PDE4D: variants seen among roughly 807,000 people sequenced by gnomAD.
PDE4D encodes the protein 3',5'-cyclic-AMP phosphodiesterase 4D.
In PDE4D, 24 loss-of-function variants were observed where a neutral mutation model predicts 87.4. The observed-to-expected ratio is 0.27, with a 90% CI of 0.20 to 0.39. The LOEUF is 0.39. Among genes scored for constraint, PDE4D ranks in the 10% least tolerant of loss-of-function variants. The pLI, the probability that PDE4D is intolerant of heterozygous loss-of-function variation, is 1.00. For synonymous variants in PDE4D, 384 were observed against 383.2 expected (o/e 1.00, Z -0.02); for missense variants, 714 against 1,041.0 (o/e 0.69, Z 4.32).
At chr5:59,731,818 G>A (rs889906033) in intron 1 of PDE4D, among the ~76,000 whole-genome samples, 7 of 152,058 alleles carry the variant, frequency 4.6e-5, no homozygotes, top group Non-Finnish European at 7.4e-5. Context: ...CTTAGAAAAT[G>A]CAAAAAAGCA....
intron 1 of PDE4D, among the ~76,000 whole-genome samples, chr5:60,202,306 G>T (rs939547776): frequency 6.6e-6 from 1 of 152,072 alleles, no homozygotes; most frequent in Non-Finnish European, 1.5e-5. Context: ...GGGACTACAG[G>T]TGCAGGCCAC....
At chr5:59,370,642 T>C (rs755957633) in intron 1 of PDE4D, among the ~76,000 whole-genome samples, 3 of 152,206 alleles carry the variant, frequency 2.0e-5, no homozygotes, top group Non-Finnish European at 4.4e-5. Context: ...AATGTGTTTA[T>C]GTATTTCATA....
intron 1 of PDE4D, among the ~76,000 whole-genome samples, chr5:60,346,513 T>C (rs115062404): frequency 2.2e-4 from 33 of 152,308 alleles, no homozygotes; most frequent in Non-Finnish European, 4.0e-4. Flanking sequence ...CCATTTCCCA[T>C]GGTTTTGCAA....
chr5:59,771,531 A>AAAGAAAGAAAGAAAG (rs1437547371), intron 1 of PDE4D, among the ~76,000 whole-genome samples: 3 of 147,758 alleles, frequency 2.0e-5, no homozygotes, highest in African/African-American at 7.9e-5. Context: ...AGAAAGAAAG[A>AAAGAAAGAAAGAAAG]AAGAAAGAAA....
chr5:59,586,460 T>C, intron 1 of PDE4D: 2 of 1,540,656 alleles, frequency 1.3e-6, no homozygotes, highest in South Asian at 1.3e-5. Context: ...AACTCTCTTG[T>C]TTGAGCAGCT....
Position 59,383,827 on chromosome 5 carries a change from A to T in PDE4D, c.456-167859T>A, listed in dbSNP as rs370502561. On this transcript the variant is annotated intron_variant, in intron 1 of 14. Transcript: ENST00000340635. ...TCACACAAATATTTACATGCTGATT[A>T]TCCATAGGAATTTTTAATTTTTAAT... Among the ~76,000 whole-genome samples, 3 of 152,176 alleles carry T rather than the reference A, an allele frequency of 2.0e-5. No individual in the cohort carries two copies. The East Asian group carries it at 5.8e-4, about 29-fold the overall frequency.
chr5:60,017,552 G>C (rs191117241), intron 2 of PDE4D, among the ~76,000 whole-genome samples: 1 of 151,978 alleles, frequency 6.6e-6, no homozygotes, highest in Admixed American at 6.6e-5. Flanking sequence ...GTGGTGTTTC[G>C]TTTTCTGTTC....
At chr5:59,326,881 CT>C in intron 1 of PDE4D, among the ~76,000 whole-genome samples, 1 of 152,104 alleles carries the variant, frequency 6.6e-6, no homozygotes, top group South Asian at 2.1e-4. Flanking sequence ...TATTTAATGA[CT>C]TCATCATTTC....
chr5:59,856,302 T>TA (rs893044597), intron 1 of PDE4D, among the ~76,000 whole-genome samples: 2 of 151,944 alleles, frequency 1.3e-5, no homozygotes, highest in Non-Finnish European at 2.9e-5. Flanking sequence ...TGTTCATACT[T>TA]ACAATACAGG....
At chr5:59,442,738 G>A (rs1295380478) in intron 1 of PDE4D, among the ~76,000 whole-genome samples, 3 of 152,164 alleles carry the variant, frequency 2.0e-5, no homozygotes, top group Non-Finnish European at 1.5e-5. Context: ...GCAGTAGAGG[G>A]TCATTAAGCA....
intron 1 of PDE4D, among the ~76,000 whole-genome samples, chr5:59,574,714 T>TC (rs758536142): frequency 2.0e-5 from 3 of 151,950 alleles, no homozygotes; most frequent in Non-Finnish European, 2.9e-5. Flanking sequence ...CTTATTACTT[T>TC]CCCCCCAACA....
chr5:60,015,991 C>T (rs1765471849), intron 2 of PDE4D, among the ~76,000 whole-genome samples: 1 of 151,290 alleles, frequency 6.6e-6, no homozygotes, highest in South Asian at 2.1e-4. Context: ...GGGTTCACGC[C>T]ATTCTTAAAA....
intron 1 of PDE4D, chr5:59,217,293 G>A (rs896767704): frequency 2.2e-6 from 1 of 455,474 alleles, no homozygotes. Context: ...GTGAATTCAA[G>A]TTTTGCTGTC....
At chr5:59,503,248 T>A (rs1032401123) in intron 1 of PDE4D, among the ~76,000 whole-genome samples, 3 of 152,192 alleles carry the variant, frequency 2.0e-5, no homozygotes, top group Non-Finnish European at 4.4e-5. Flanking sequence ...TAACTACTTC[T>A]GTAGAAATAT....
intron 5 of PDE4D, among the ~76,000 whole-genome samples, chr5:59,053,655 G>T (rs201294240): frequency 0.26 from 19,301 of 73,516 alleles, 2,645 homozygotes; most frequent in East Asian, 0.75. Context: ...GTTTTTTTTT[G>T]TTGTTGTTTT....
chr5:60,305,448 T>C (rs1754410286), intron 1 of PDE4D, among the ~76,000 whole-genome samples: 1 of 151,304 alleles, frequency 6.6e-6, no homozygotes, highest in South Asian at 2.1e-4. Flanking sequence ...GAAGAAAGAA[T>C]TGAAAAACAG....
intron 1 of PDE4D, among the ~76,000 whole-genome samples, chr5:59,460,110 G>T (rs1214854165): frequency 6.6e-6 from 1 of 151,730 alleles, no homozygotes; most frequent in East Asian, 1.9e-4. Context: ...GTAGAAAACA[G>T]ACAAAATTAT....
chr5:59,010,975 C>T (rs1484294124), intron 6 of PDE4D, among the ~76,000 whole-genome samples: 1 of 152,116 alleles, frequency 6.6e-6, no homozygotes, highest in African/African-American at 2.4e-5. Context: ...CTACATTTGC[C>T]GTTCTGCAAT....
At chr5:59,079,463 T>C (rs1433149809) in intron 5 of PDE4D, among the ~76,000 whole-genome samples, 1 of 151,914 alleles carries the variant, frequency 6.6e-6, no homozygotes, top group East Asian at 1.9e-4. Context: ...CATAACTGAG[T>C]CTTTTCTAAT....
Sources: gnomAD v4.1 joint callset for allele counts (sites outside exome capture counted in the v4.1 genomes callset) on GRCh38, gnomAD v4.1.1 for gene constraint, MANE v1.5 for transcripts, NCBI Gene and HGNC (gene_info 2026-07-23, HGNC 2026-07-21) for gene names.